Variants in RIDA observed in about 807,000 individuals in gnomAD.
RIDA encodes the protein 2-iminobutanoate/2-iminopropanoate deaminase.
A neutral mutation model predicts 17.8 loss-of-function variants in RIDA; 17 were observed. That is an observed-to-expected ratio of 0.96 (90% CI 0.65 to 1.43). RIDA has a LOEUF of 1.43. Among genes scored for constraint, RIDA ranks in the 40% most tolerant of loss-of-function variants. RIDA has a pLI of 0.00. For synonymous variants in RIDA, 48 were observed against 55.7 expected (o/e 0.86, Z 0.62); for missense variants, 158 against 161.7 (o/e 0.98, Z 0.12).
In RIDA at chr8:98,105,869, C is replaced by A. The variant is rs1030136304; in HGVS notation, c.295+69G>T. The A allele has an allele frequency of 5.5e-6, 5 of 908,250 alleles. No homozygotes were observed. In the African/African-American group the frequency reaches 8.2e-5, roughly 15 times the overall value. 56.3% of individuals were successfully genotyped at this position (908,250 alleles called of 1,614,324 possible). The stretch of plus-strand genomic sequence containing the variant: ...CCTACCACTCTTAATTCATAATGCA[C>A]ATTCATTAATGTGACCAGATTTCTT... On this transcript the variant is annotated intron_variant, in intron 4 of 5. Transcript: ENST00000254878.
intron 1 of RIDA, among the ~76,000 whole-genome samples, chr8:98,115,905 TTAAGTAAATTA>T (rs1815812266): frequency 6.6e-6 from 1 of 152,082 alleles, no homozygotes; most frequent in Admixed American, 6.6e-5. Flanking sequence ...AAGAAATAGG[TTAAGTAAATTA>T]TAAGTGATAT....
chr8:98,107,226 T>C (rs1422977877), intron 2 of RIDA, among the ~76,000 whole-genome samples: 1 of 152,204 alleles, frequency 6.6e-6, no homozygotes, highest in African/African-American at 2.4e-5. Context: ...TTTAGGTTTT[T>C]AAAAATCTTT....
intron 5 of RIDA, among the ~76,000 whole-genome samples, chr8:98,104,005 T>A (rs1815600318): frequency 6.6e-6 from 1 of 151,554 alleles, no homozygotes; most frequent in Non-Finnish European, 1.5e-5. Context: ...GGTTTCTTAA[T>A]TTTTTTTTCA....
At position 98,104,502 on chromosome 8, in the gene RIDA, G is replaced by A; in HGVS notation, c.338C>T (p.Ala113Val). The A allele has an allele frequency of 1.9e-6, 3 of 1,590,856 alleles. No individual in the cohort carries two copies. The South Asian group carries it at 3.3e-5, about 18-fold the overall frequency. ...AAGTGTACTTACTTTGGGTAAAGCA[G>A]CAACTTGGTAAGCAGCTCTAGCAGG... ...NFPARAAYQV[A>V]ALPKGSRIEI... The change falls in exon 5 of 6, where the codon GCT becomes GTT. Residue 113 changes from alanine (A) to valine (V), a missense_variant. Transcript: ENST00000254878.
At chr8:98,112,991 A>G (rs142165198) in intron 1 of RIDA, among the ~76,000 whole-genome samples, 39 of 152,374 alleles carry the variant, frequency 2.6e-4, no homozygotes, top group African/African-American at 9.4e-4. Context: ...CTTTCTGAGC[A>G]TAAGAATCCT....
chr8:98,104,770 A>G (rs1054674619), intron 4 of RIDA, among the ~76,000 whole-genome samples: 3 of 152,060 alleles, frequency 2.0e-5, no homozygotes, highest in African/African-American at 4.8e-5. Flanking sequence ...GAGTGAAGTG[A>G]TGCGATCTCA....
intron 1 of RIDA, 155 bp from the exon 2 acceptor site, chr8:98,108,906 A>G: frequency 1.8e-6 from 1 of 556,064 alleles, no homozygotes; most frequent in East Asian, 2.9e-5. Flanking sequence ...TGTTTATCAA[A>G]GATATCTTTA....
At position 98,102,816 on chromosome 8, in the gene RIDA, T is replaced by G; in HGVS notation, c.*26A>C. On this transcript the variant is annotated 3_prime_UTR_variant, in exon 6 of 6. Transcript: ENST00000254878. ...TTGTAAAAATTAAAATGTTAACAAT[T>G]CCAGACTACACAGCACTGGGCCCAC... 1.3e-6 allele frequency: 2 copies of G among 1,511,020 alleles called. No individual in the cohort carries two copies. Among genetic ancestry groups the G allele is most frequent in the Non-Finnish European group, 1.8e-6 (2 of 1,107,880 alleles). 93.6% of individuals were successfully genotyped at this position (1,511,020 alleles called of 1,614,324 possible).
intron 1 of RIDA, among the ~76,000 whole-genome samples, chr8:98,115,868 TTAAA>T (rs1377589967): frequency 6.6e-6 from 1 of 152,206 alleles, no homozygotes; most frequent in Non-Finnish European, 1.5e-5. Flanking sequence ...AATTAACTTG[TTAAA>T]TAAAATGAAG....
At chr8:98,110,529 G>T (rs1177311401) in intron 1 of RIDA, among the ~76,000 whole-genome samples, 1 of 152,104 alleles carries the variant, frequency 6.6e-6, no homozygotes, top group African/African-American at 2.4e-5. Context: ...CAAAGTGCTG[G>T]GATTACAGTC....
intron 1 of RIDA, among the ~76,000 whole-genome samples, chr8:98,112,195 AACACACACACAC>A (rs56178607): frequency 6.8e-6 from 1 of 147,958 alleles, no homozygotes; most frequent in East Asian, 2.0e-4. Context: ...AACTATACTA[AACACACACACAC>A]ACACACACAC....
In RIDA at chr8:98,106,013, G is replaced by A; in HGVS notation, c.227-7C>T. On this transcript the variant is annotated splice_polypyrimidine_tract_variant and splice_region_variant and intron_variant, in intron 3 of 5. Transcript: ENST00000254878. Reference sequence around the variant, plus strand: ...AGAACAGTTGTTTTCACCACTAGAAGATATAAACATTGTCATTAGGTTTAG... The same window carrying A: ...AGAACAGTTGTTTTCACCACTAGAAAATATAAACATTGTCATTAGGTTTAG... 3.2e-6 allele frequency: 5 copies of A among 1,585,606 alleles called. 1 individual carries two copies. The highest frequency in any genetic ancestry group is 3.5e-6 in the Non-Finnish European group (4 of 1,154,396).
chr8:98,111,495 A>G (rs1199792339), intron 1 of RIDA, among the ~76,000 whole-genome samples: 1 of 151,940 alleles, frequency 6.6e-6, no homozygotes, highest in Non-Finnish European at 1.5e-5. Context: ...AATTCCAGCT[A>G]CTTGGGAGGC....
intron 4 of RIDA, among the ~76,000 whole-genome samples, 170 bp from the exon 5 acceptor site, chr8:98,104,714 A>G (rs1815609516): frequency 6.6e-6 from 1 of 152,052 alleles, no homozygotes; most frequent in Non-Finnish European, 1.5e-5. Context: ...AGCAACATTT[A>G]TTTTTATTTT....
At chr8:98,105,657 A>C (rs1463747070) in intron 4 of RIDA, among the ~76,000 whole-genome samples, 1 of 152,214 alleles carries the variant, frequency 6.6e-6, no homozygotes, top group Non-Finnish European at 1.5e-5. Flanking sequence ...ACTTGTTAGG[A>C]GAGTTTAAAA....
chr8:98,106,615 G>A (rs1815635459), intron 2 of RIDA: 1 of 314,284 alleles, frequency 3.2e-6, no homozygotes, highest in Non-Finnish European at 5.9e-6. Flanking sequence ...AATAATTTCT[G>A]GTGTTCTTCA....
At chr8:98,116,933 C>T in intron 1 of RIDA, 99 bp downstream of exon 1, 1 of 972,154 alleles carries the variant, frequency 1.0e-6, no homozygotes, top group Non-Finnish European at 1.6e-6. Context: ...GCTCAATTTC[C>T]TTGCGTGTTA....
intron 1 of RIDA, among the ~76,000 whole-genome samples, chr8:98,110,611 G>A (rs1815713651): frequency 6.6e-6 from 1 of 152,084 alleles, no homozygotes; most frequent in Non-Finnish European, 1.5e-5. Context: ...TAGCTGTAAA[G>A]CAAAAAAATG....
At chr8:98,110,295 C>T (rs1815707279) in intron 1 of RIDA, among the ~76,000 whole-genome samples, 2 of 152,176 alleles carry the variant, frequency 1.3e-5, no homozygotes, top group Admixed American at 1.3e-4. Flanking sequence ...TGGAGTCTCA[C>T]TCTGTCACCC....
Sources: gnomAD v4.1 joint callset for allele counts (sites outside exome capture counted in the v4.1 genomes callset) on GRCh38, gnomAD v4.1.1 for gene constraint, MANE v1.5 for transcripts, NCBI Gene and HGNC (gene_info 2026-07-23, HGNC 2026-07-21) for gene names.